Variants in PNPT1 observed in about 807,000 individuals in gnomAD.
PNPT1 encodes polyribonucleotide nucleotidyltransferase 1, mitochondrial.
PNPT1 carries 53 observed loss-of-function variants against 119.5 expected under a neutral mutation model. The observed-to-expected ratio is 0.44, with a 90% CI of 0.36 to 0.56. PNPT1 has a LOEUF of 0.56. Among genes scored for constraint, PNPT1 ranks in the 20% least tolerant of loss-of-function variants. The probability of loss-of-function intolerance (pLI) is 0.00; values close to 1 mark genes in which losing one functional copy is unlikely to be tolerated. For missense variants in PNPT1, 948 were observed against 938.5 expected (o/e 1.01, Z -0.13); for synonymous variants, 357 against 322.1 (o/e 1.11, Z -1.16).
chr2:55,682,617 A>C (rs1697282847), intron 5 of PNPT1, among the ~76,000 whole-genome samples: 1 of 152,062 alleles, frequency 6.6e-6, no homozygotes, highest in Admixed American at 6.6e-5. Flanking sequence ...TTCAGAAAAA[A>C]ACTTCAGTGA....
intron 16 of PNPT1, 28 bp downstream of exon 16, chr2:55,656,277 C>G (rs769958038): frequency 6.2e-7 from 1 of 1,610,024 alleles, no homozygotes; most frequent in African/African-American, 1.3e-5. Context: ...GTAAGAATAC[C>G]GTATTAAGTT....
rs528564225 is a variant in PNPT1, at chr2:55,661,429, G to C, written c.1247+527C>G. 5.5e-4 allele frequency among the ~76,000 whole-genome samples: 84 copies of C among 152,142 alleles called. No individual in the cohort carries two copies. The Middle Eastern group carries it at 0.01, about 18-fold the overall frequency. ...GATTCTTATCATCAGAATTGATTTG[G>C]CCTGCAATAAAGATTCTTATCATCG... On this transcript the variant is annotated intron_variant, in intron 14 of 27. Transcript: ENST00000447944.
intron 8 of PNPT1, among the ~76,000 whole-genome samples, chr2:55,675,442 A>C (rs1697035998): frequency 6.6e-6 from 1 of 152,196 alleles, no homozygotes; most frequent in Non-Finnish European, 1.5e-5. Context: ...AAAATTTAAA[A>C]AATAGAATAT....
At chr2:55,688,052 T>C (rs542883787) in intron 1 of PNPT1, among the ~76,000 whole-genome samples, 1 of 151,920 alleles carries the variant, frequency 6.6e-6, no homozygotes, top group South Asian at 2.1e-4. Context: ...TCTTTTCTTT[T>C]TTTTTTTTTG....
intron 10 of PNPT1, among the ~76,000 whole-genome samples, chr2:55,671,749 G>A (rs1188380066): frequency 6.6e-6 from 1 of 152,186 alleles, no homozygotes; most frequent in Non-Finnish European, 1.5e-5. Flanking sequence ...CATGAGAATC[G>A]CTGGAAGGCG....
intron 17 of PNPT1, 114 bp from the exon 18 acceptor site, chr2:55,655,067 C>A: frequency 9.6e-7 from 1 of 1,044,046 alleles, no homozygotes; most frequent in South Asian, 1.6e-5. Flanking sequence ...ATTCAATAGT[C>A]TCTTCTTTTT....
intron 9 of PNPT1, among the ~76,000 whole-genome samples, chr2:55,672,549 T>A (rs1386306085): frequency 2.6e-5 from 4 of 152,246 alleles, no homozygotes; most frequent in Non-Finnish European, 4.4e-5. Context: ...CATGTAACAG[T>A]GATTACCTCT....
At chr2:55,677,406 C>T (rs1256224158) in intron 8 of PNPT1, among the ~76,000 whole-genome samples, 4 of 151,962 alleles carry the variant, frequency 2.6e-5, no homozygotes, top group African/African-American at 9.7e-5. Context: ...CCAGCCTAGC[C>T]AACATGGCAA....
In PNPT1 at chr2:55,668,275, T is replaced by A. The variant is rs115570325; in HGVS notation, c.977-317A>T. Reference sequence around the variant, plus strand: ...TTTTGGAGACAAAGTCTCACTCTGTTGTCCAGGCTGGAGTGCAACGCCGCA... The same window carrying A: ...TTTTGGAGACAAAGTCTCACTCTGTAGTCCAGGCTGGAGTGCAACGCCGCA... On this transcript the variant is annotated intron_variant, in intron 11 of 27. Coordinates refer to ENST00000447944, the MANE Select transcript of PNPT1 (RefSeq NM_033109.5). Among the ~76,000 whole-genome samples, 1,027 of 152,310 alleles carry A rather than the reference T, an allele frequency of 6.7e-3. 14 individuals carry two copies. The highest frequency in any genetic ancestry group is 0.024 in the African/African-American group (1,001 of 41,588).
intron 5 of PNPT1, among the ~76,000 whole-genome samples, chr2:55,681,892 A>G (rs531453231): frequency 2.0e-3 from 307 of 150,332 alleles, no homozygotes; most frequent in African/African-American, 7.1e-3. Flanking sequence ...CTGTAATCCC[A>G]GCATGTTGGG....
intron 13 of PNPT1, among the ~76,000 whole-genome samples, chr2:55,665,465 A>ATC (rs1696704427): frequency 6.6e-6 from 1 of 152,214 alleles, no homozygotes; most frequent in Non-Finnish European, 1.5e-5. Flanking sequence ...ACATATATAT[A>ATC]TAAAGTTTGT....
At chr2:55,636,837 C>G (rs1411246748) in intron 27 of PNPT1, among the ~76,000 whole-genome samples, 1 of 151,872 alleles carries the variant, frequency 6.6e-6, no homozygotes, top group African/African-American at 2.4e-5. Flanking sequence ...AAGTCAGGGG[C>G]AAATGCAAAG....
chr2:55,658,016 C>CT (rs1696445092), intron 15 of PNPT1, among the ~76,000 whole-genome samples: 1 of 151,244 alleles, frequency 6.6e-6, no homozygotes, highest in South Asian at 2.1e-4. Context: ...GGCAGGCAGA[C>CT]TGCTTGAGCC....
At chr2:55,638,801 G>A (rs1695753965) in intron 26 of PNPT1, among the ~76,000 whole-genome samples, 1 of 150,442 alleles carries the variant, frequency 6.6e-6, no homozygotes, top group Non-Finnish European at 1.5e-5. Context: ...TTGAGATGGA[G>A]TCTCGCTCTG....
At chr2:55,675,403 G>A (rs924679052) in intron 8 of PNPT1, among the ~76,000 whole-genome samples, 1 of 152,042 alleles carries the variant, frequency 6.6e-6, no homozygotes, top group Non-Finnish European at 1.5e-5. Flanking sequence ...GCAATATAAT[G>A]AGATGCTATA....
At chr2:55,638,300 T>C (rs915141104) in intron 26 of PNPT1, among the ~76,000 whole-genome samples, 1 of 49,260 alleles carries the variant, frequency 2.0e-5, no homozygotes, top group African/African-American at 6.8e-5. Flanking sequence ...AGACTCTGTC[T>C]CAGAAAAAAA....
chr2:55,659,638 CTT>C (rs951134621), intron 15 of PNPT1, among the ~76,000 whole-genome samples: 1 of 151,850 alleles, frequency 6.6e-6, no homozygotes, highest in Non-Finnish European at 1.5e-5. Flanking sequence ...GTACTTATCT[CTT>C]ATCTCTCTAA....
At chr2:55,684,086 A>G (rs1416906888) in intron 4 of PNPT1, among the ~76,000 whole-genome samples, 1 of 152,262 alleles carries the variant, frequency 6.6e-6, no homozygotes, top group Non-Finnish European at 1.5e-5. Flanking sequence ...CTGGTTCCAC[A>G]GGCAACAGTT....
intron 17 of PNPT1, 39 bp downstream of exon 17, chr2:55,656,092 G>T: frequency 6.3e-7 from 1 of 1,586,308 alleles, no homozygotes; most frequent in South Asian, 1.2e-5. Flanking sequence ...TAGGGAATAT[G>T]GTCTTTTCTA....
Sources: gnomAD v4.1 joint callset for allele counts (sites outside exome capture counted in the v4.1 genomes callset) on GRCh38, gnomAD v4.1.1 for gene constraint, MANE v1.5 for transcripts, NCBI Gene and HGNC (gene_info 2026-07-23, HGNC 2026-07-21) for gene names.